NTM: variants seen among roughly 807,000 people sequenced by gnomAD.
NTM encodes the protein IgLON family member 2.
NTM carries 13 observed loss-of-function variants against 42.1 expected under a neutral mutation model. The observed-to-expected ratio is 0.31, with a 90% CI of 0.20 to 0.49. The LOEUF is 0.49. NTM is among the 20% of genes least tolerant of loss of function. NTM has a pLI of 0.99. For synonymous variants in NTM, 187 were observed against 179.2 expected, an observed-to-expected ratio of 1.04 and a Z score of -0.35; for missense variants, 373 against 452.8, an observed-to-expected ratio of 0.82 and a Z score of 1.60.
At position 131,425,982 on chromosome 11, in the gene NTM, C is replaced by A. The variant is rs1204758904; in HGVS notation, c.82+55094C>A. ...AATGTGTGCAGAAATCTTGGACTCT[C>A]ACCAGGCGAGACATGAGGCTGATAG... On this transcript the variant is annotated intron_variant, in intron 1 of 8. Coordinates refer to ENST00000683400, the MANE Select transcript of NTM (RefSeq NM_001352005.2). 2.0e-5 allele frequency among the ~76,000 whole-genome samples: 3 copies of A among 152,204 alleles called. No individual in the cohort carries two copies. In the East Asian group the frequency reaches 5.8e-4, roughly 29 times the overall value.
intron 1 of NTM, among the ~76,000 whole-genome samples, chr11:131,773,005 A>G (rs193007534): frequency 2.1e-3 from 321 of 152,390 alleles, no homozygotes; most frequent in Admixed American, 5.6e-3. Context: ...GAACTGATGT[A>G]CTGACATAAA....
intron 1 of NTM, among the ~76,000 whole-genome samples, chr11:131,728,075 T>C (rs789548): frequency 6.6e-6 from 1 of 151,956 alleles, no homozygotes; most frequent in African/African-American, 2.4e-5. Context: ...CTTTAGGTGT[T>C]CATTAGTATA....
intron 1 of NTM, among the ~76,000 whole-genome samples, chr11:131,718,140 A>G (rs1016761049): frequency 1.3e-5 from 2 of 152,170 alleles, no homozygotes; most frequent in African/African-American, 4.8e-5. Context: ...TTGCATATCT[A>G]TTTATGGAAA....
At chr11:131,840,820 T>C (rs1592212073) in intron 1 of NTM, among the ~76,000 whole-genome samples, 1 of 152,180 alleles carries the variant, frequency 6.6e-6, no homozygotes, top group Non-Finnish European at 1.5e-5. Context: ...CTGGAAGTGC[T>C]CTTCTGAACA....
intron 1 of NTM, among the ~76,000 whole-genome samples, chr11:131,639,332 G>A (rs2064833411): frequency 6.6e-6 from 1 of 152,182 alleles, no homozygotes; most frequent in Non-Finnish European, 1.5e-5. Context: ...TGTTGACTGT[G>A]CCTTCCTCTC....
At chr11:131,529,159 G>A (rs2050900552) in intron 1 of NTM, among the ~76,000 whole-genome samples, 1 of 152,218 alleles carries the variant, frequency 6.6e-6, no homozygotes, top group African/African-American at 2.4e-5. Flanking sequence ...TCAGGGAGCA[G>A]AATCCAGGCT....
chr11:132,335,326 T>G lies in NTM; in HGVS notation c.*180T>G. 1 of 676,286 alleles carries G rather than the reference T, an allele frequency of 1.5e-6. No homozygotes were observed. Among genetic ancestry groups the G allele is most frequent in the East Asian group, 2.9e-5 (1 of 34,366 alleles). 41.9% of individuals were successfully genotyped at this position (676,286 alleles called of 1,614,324 possible). ...AGAATACTTTGGGGGGAAAAAAGTT[T>G]TAAAAAAGAAATTGAAAATTGCCTT... On this transcript the variant is annotated 3_prime_UTR_variant, in exon 9 of 9. Coordinates refer to ENST00000683400, the MANE Select transcript of NTM (RefSeq NM_001352005.2).
intron 7 of NTM, among the ~76,000 whole-genome samples, chr11:132,324,932 T>G (rs2136335177): frequency 6.6e-6 from 1 of 151,438 alleles, no homozygotes; most frequent in Non-Finnish European, 1.5e-5. Context: ...GGATTCCCTA[T>G]TTAATAAATG....
intron 1 of NTM, among the ~76,000 whole-genome samples, chr11:131,467,975 C>T (rs974896662): frequency 2.6e-5 from 4 of 152,168 alleles, no homozygotes; most frequent in Non-Finnish European, 5.9e-5. Flanking sequence ...TCTAACACAT[C>T]GTGGGCATCC....
intron 3 of NTM, among the ~76,000 whole-genome samples, chr11:132,197,719 A>G (rs111524245): frequency 0.014 from 1,915 of 140,158 alleles, 28 homozygotes; most frequent in African/African-American, 0.048. Flanking sequence ...TCATTGTTCA[A>G]TTCCCACCTA....
intron 1 of NTM, among the ~76,000 whole-genome samples, chr11:131,549,332 C>G (rs1016170824): frequency 6.6e-6 from 1 of 152,088 alleles, no homozygotes; most frequent in Non-Finnish European, 1.5e-5. Context: ...AAAATTATGT[C>G]TAGGGTCACA....
At chr11:131,605,775 C>T in intron 1 of NTM, 1 of 983,916 alleles carries the variant, frequency 1.0e-6, no homozygotes, top group Non-Finnish European at 1.2e-6. Flanking sequence ...ATAAAGGTGC[C>T]CTATTCAATT....
At chr11:131,653,256 C>G (rs1565378794) in intron 1 of NTM, among the ~76,000 whole-genome samples, 2 of 120,138 alleles carry the variant, frequency 1.7e-5, no homozygotes, top group Non-Finnish European at 3.6e-5. Context: ...TTCTTTCAGT[C>G]TCACATGTCT....
chr11:132,068,538 C>G (rs2056866387), intron 2 of NTM, among the ~76,000 whole-genome samples: 1 of 152,304 alleles, frequency 6.6e-6, no homozygotes, highest in Non-Finnish European at 1.5e-5. Context: ...TGGGCTTTTT[C>G]TATCATGCAC....
In NTM at chr11:131,802,363, T is replaced by C. The variant is rs115680240; in HGVS notation, c.83-109201T>C. 9.3e-3 allele frequency among the ~76,000 whole-genome samples: 1,422 copies of C among 152,358 alleles called. 22 individuals carry two copies. The highest frequency in any genetic ancestry group is 0.033 in the African/African-American group (1,364 of 41,584). On this transcript the variant is annotated intron_variant, in intron 1 of 8. Transcript: ENST00000683400. Reference sequence around the variant, plus strand: ...ATTTGCATGAAAACAGCATTTCAGCTACTTGGGGTTTTATCTGCTGCCATT... The same window carrying C: ...ATTTGCATGAAAACAGCATTTCAGCCACTTGGGGTTTTATCTGCTGCCATT...
At position 132,314,557 on chromosome 11, in the gene NTM, T is replaced by G. The variant is rs745714707; in HGVS notation, c.788T>G (p.Ile263Ser). 3 of 1,611,972 alleles carry G rather than the reference T, an allele frequency of 1.9e-6. No homozygotes were observed. Among genetic ancestry groups the G allele is most frequent in the Non-Finnish European group, 2.5e-6 (3 of 1,179,116 alleles). The change falls in exon 7 of 9, where the codon ATT (isoleucine) becomes AGT (serine). Residue 263 changes from isoleucine to serine, a missense_variant. Around this residue, in one of 3 missense-constraint regions of NTM, gnomAD observed 312 missense variants for 353.5 expected, o/e 0.88. Transcript: ENST00000683400. ...TTGTCTTTTGTTTCTCTCAGACTGA[T>G]TGAAGGAAAGAAAGGGGTGAAAGTG... is the stretch of plus-strand genomic sequence containing the variant. ...FQWYKDDKRL[I>S]EGKKGVKVEN...
intron 1 of NTM, among the ~76,000 whole-genome samples, chr11:131,422,814 G>C (rs1017334063): frequency 2.0e-5 from 3 of 152,166 alleles, no homozygotes; most frequent in Non-Finnish European, 2.9e-5. Flanking sequence ...TTACATGTGA[G>C]ATTTATTTTT....
chr11:131,566,745 G>A (rs1039753666), intron 1 of NTM, among the ~76,000 whole-genome samples: 3 of 152,158 alleles, frequency 2.0e-5, no homozygotes, highest in Non-Finnish European at 2.9e-5. Flanking sequence ...TCCTGCTTTC[G>A]CTTGGGTTGT....
At chr11:131,920,549 T>C (rs980445324) in intron 2 of NTM, among the ~76,000 whole-genome samples, 1 of 152,232 alleles carries the variant, frequency 6.6e-6, no homozygotes, top group East Asian at 1.9e-4. Context: ...GAACTATGAA[T>C]AGCCGTCTTG....
Sources: allele counts gnomAD v4.1 joint callset (sites outside exome capture counted in the v4.1 genomes callset), GRCh38; gene constraint gnomAD v4.1.1; regional missense constraint gnomAD v4.1.1; transcripts MANE v1.5; gene names NCBI Gene and HGNC (gene_info 2026-07-23, HGNC 2026-07-21).